The following RARB variants were observed in gnomAD, a reference collection of about 807,000 sequenced individuals.
RARB encodes retinoic acid receptor beta.
RARB carries 17 observed loss-of-function variants against 51.9 expected under a neutral mutation model. The observed-to-expected ratio is 0.33, with a 90% CI of 0.22 to 0.49. RARB has a LOEUF of 0.49. RARB is among the 20% of genes least tolerant of loss of function. The probability of loss-of-function intolerance (pLI) is 0.99; values close to 1 mark genes in which losing one functional copy is unlikely to be tolerated. For missense variants in RARB, 369 were observed against 550.8 expected, an observed-to-expected ratio of 0.67 and a Z score of 3.30; for synonymous variants, 215 against 195.4, an observed-to-expected ratio of 1.10 and a Z score of -0.84.
At position 25,176,350 on chromosome 3, in the gene RARB, C is replaced by CTTTCTTTCTTTCTTTCTTTCTTTCTTTCT. The variant is rs1700749355; in HGVS notation, c.178+1777_178+1778insTCTTTCTTTCTTTCTTTCTTTCTTTCTTT. On this transcript the variant is annotated intron_variant, in intron 5 of 11. Coordinates refer to the RARB transcript ENST00000383772. ...CTTTCTTTCTTTCCTTCCTTCCTTC[C>CTTTCTTTCTTTCTTTCTTTCTTTCTTTCT]TTCCTTCCTTCCTTCCTTCCTTCCT... Among the ~76,000 whole-genome samples the CTTTCTTTCTTTCTTTCTTTCTTTCTTTCT allele has an allele frequency of 2.0e-4, 10 of 50,514 alleles. No individual in the cohort carries two copies. In the East Asian group the frequency reaches 2.3e-3, roughly 11 times the overall value. 33.1% of individuals were successfully genotyped at this position (50,514 alleles called of 152,430 possible). A position where few individuals can be genotyped will look rare whatever the true frequency, so the allele number is the denominator to read the frequency against.
intron 2 of RARB, among the ~76,000 whole-genome samples, chr3:25,028,938 T>A (rs779827035): frequency 1.3e-5 from 2 of 152,182 alleles, no homozygotes; most frequent in Non-Finnish European, 2.9e-5. Flanking sequence ...CTACTCTTTT[T>A]CTCTTCCAGC....
chr3:25,330,398 C>A (rs1002449942), intron 5 of RARB, among the ~76,000 whole-genome samples: 4 of 152,144 alleles, frequency 2.6e-5, no homozygotes, highest in African/African-American at 9.7e-5. Flanking sequence ...CCCAGAATTT[C>A]ATATCCAGCC....
chr3:25,425,222 C>T (rs185103898), upstream of RARB, among the ~76,000 whole-genome samples: 120 of 152,244 alleles, frequency 7.9e-4, 1 homozygote, highest in Middle Eastern at 6.8e-3. Context: ...ACGGACAAAT[C>T]GGTCTATTTT....
At chr3:24,913,652 G>C (rs372933550) in intron 2 of RARB, among the ~76,000 whole-genome samples, 3 of 152,150 alleles carry the variant, frequency 2.0e-5, no homozygotes, top group African/African-American at 7.2e-5. Context: ...TCAAAATAAA[G>C]TTACATCTTA....
At position 25,445,165 on chromosome 3, in the gene RARB, C is replaced by T. The variant is rs534379429; in HGVS notation, c.158-16028C>T. ...GAATTTCACTGTGTTGCCCAGGCTGCTCTTGAACTCCTGAGCTCAGGCAAT... is the reference window on the plus strand; with the variant it reads ...GAATTTCACTGTGTTGCCCAGGCTGTTCTTGAACTCCTGAGCTCAGGCAAT... On this transcript the variant is annotated intron_variant, in intron 1 of 7. Coordinates refer to ENST00000330688, the MANE Select transcript of RARB (RefSeq NM_000965.5). Among the ~76,000 whole-genome samples the T allele has an allele frequency of 1.3e-4, 20 of 152,112 alleles. No individual in the cohort carries two copies. The East Asian group carries it at 3.9e-3, about 30-fold the overall frequency.
At chr3:24,945,351 C>A (rs1184493803) in intron 2 of RARB, among the ~76,000 whole-genome samples, 1 of 152,150 alleles carries the variant, frequency 6.6e-6, no homozygotes, top group Non-Finnish European at 1.5e-5. Context: ...TCACATGATC[C>A]TCAGGGACTG....
intron 5 of RARB, among the ~76,000 whole-genome samples, chr3:25,184,010 T>C (rs1700919478): frequency 6.6e-6 from 1 of 152,292 alleles, no homozygotes; most frequent in African/African-American, 2.4e-5. Context: ...CACATTAAAC[T>C]TTACTAAAGG....
chr3:25,174,934 T>C (rs1700714607), intron 5 of RARB, among the ~76,000 whole-genome samples: 1 of 152,206 alleles, frequency 6.6e-6, no homozygotes, highest in Admixed American at 6.5e-5. Context: ...AAATCACTAA[T>C]GATAATACTA....
chr3:25,079,240 T>A (rs1366492149), intron 3 of RARB, among the ~76,000 whole-genome samples: 2 of 152,208 alleles, frequency 1.3e-5, no homozygotes, highest in Non-Finnish European at 2.9e-5. Flanking sequence ...TCCTTCTACC[T>A]TGCTAAATTT....
intron 1 of RARB, among the ~76,000 whole-genome samples, chr3:24,835,842 G>A (rs1276574593): frequency 6.6e-6 from 1 of 152,124 alleles, no homozygotes; most frequent in Non-Finnish European, 1.5e-5. Flanking sequence ...CATTGGCCCC[G>A]GGGGCCCAAG....
intron 2 of RARB, among the ~76,000 whole-genome samples, chr3:25,056,810 T>C (rs1010994387): frequency 1.3e-5 from 2 of 152,138 alleles, no homozygotes; most frequent in Non-Finnish European, 2.9e-5. Flanking sequence ...ATGTTGTCTC[T>C]TAAAGACAAA....
intron 5 of RARB, among the ~76,000 whole-genome samples, chr3:25,217,735 A>C (rs191445536): frequency 2.4e-4 from 37 of 152,326 alleles, no homozygotes; most frequent in African/African-American, 8.7e-4. Context: ...GTATTAATTG[A>C]GAATGTGCAC....
In RARB at chr3:25,551,350, C is replaced by T. The variant is rs1489472493; in HGVS notation, c.449-18408C>T. ...CCACCTTTGGAAGATGAGCTATTGT[C>T]TGCAAAGCATCATTCAAAGAGGGAG... On this transcript the variant is annotated intron_variant, in intron 3 of 7. Transcript: ENST00000330688. Among the ~76,000 whole-genome samples the T allele has an allele frequency of 3.9e-5, 6 of 152,188 alleles. No individual in the cohort carries two copies. In the East Asian group the frequency reaches 1.2e-3, roughly 29 times the overall value.
chr3:25,035,381 C>G (rs900431326), intron 2 of RARB, among the ~76,000 whole-genome samples: 9 of 150,038 alleles, frequency 6.0e-5, no homozygotes, highest in African/African-American at 2.2e-4. Context: ...CTCAGTCTCC[C>G]AAAGTGCTGG....
upstream of RARB, among the ~76,000 whole-genome samples, chr3:25,427,575 C>A (rs1182848203): frequency 6.6e-6 from 1 of 152,158 alleles, no homozygotes. Context: ...GTAACCAATT[C>A]CTGACTACTC....
At chr3:25,324,374 T>C in intron 5 of RARB, 1 of 160,612 alleles carries the variant, frequency 6.2e-6, no homozygotes, top group Non-Finnish European at 1.4e-5. Context: ...CTCCACCACC[T>C]CTGTCAAGAT....
In RARB at chr3:25,500,454, G is replaced by GTTTTTTTTTTTTTTTTTTTTTTTTTT. The variant is rs753321842; in HGVS notation, c.307-726_307-701dup. On this transcript the variant is annotated intron_variant, in intron 2 of 7. Coordinates refer to ENST00000330688, the MANE Select transcript of RARB (RefSeq NM_000965.5). ...ATAATTTCTTTTTCTTTCTTTTCTT[G>GTTTTTTTTTTTTTTTTTTTTTTTTTT]TTTTTTTTTTTTTTTTTTTTTTTTT... 7.6e-4 allele frequency among the ~76,000 whole-genome samples: 50 copies of GTTTTTTTTTTTTTTTTTTTTTTTTTT among 66,144 alleles called. 11 individuals carry two copies. Among genetic ancestry groups the GTTTTTTTTTTTTTTTTTTTTTTTTTT allele is most frequent in the East Asian group, 3.1e-3 (5 of 1,610 alleles). 43.4% of individuals were successfully genotyped at this position (66,144 alleles called of 152,430 possible).
chr3:25,161,436 C>A (rs925797300), intron 4 of RARB, among the ~76,000 whole-genome samples: 1 of 152,084 alleles, frequency 6.6e-6, no homozygotes, highest in African/African-American at 2.4e-5. Context: ...GAACATGGAA[C>A]CTGTGGGGGC....
chr3:24,890,218 G>A (rs1243345854), intron 2 of RARB, among the ~76,000 whole-genome samples: 1 of 152,256 alleles, frequency 6.6e-6, no homozygotes, highest in East Asian at 1.9e-4. Context: ...GTCTGTAGTG[G>A]TTCAATAAGA....
Sources: gnomAD v4.1 joint callset for allele counts (sites outside exome capture counted in the v4.1 genomes callset) on GRCh38, gnomAD v4.1.1 for gene constraint, MANE v1.5 for transcripts, NCBI Gene and HGNC (gene_info 2026-07-23, HGNC 2026-07-21) for gene names.